The following FBXO34 variants were observed in gnomAD, a reference collection of about 807,000 sequenced individuals.
The protein encoded by FBXO34 is F-box only protein 34.
FBXO34 carries 12 observed loss-of-function variants against 24.5 expected under a neutral mutation model. That is an observed-to-expected ratio of 0.49 (90% CI 0.31 to 0.79). The LOEUF (loss-of-function observed/expected upper bound fraction) is 0.79, where lower values mean the gene tolerates loss of function less well. Among genes scored for constraint, FBXO34 ranks in the 30% least tolerant of loss-of-function variants. FBXO34 has a pLI of 0.04. For synonymous variants in FBXO34, 320 were observed against 311.9 expected (o/e 1.03, Z -0.27); for missense variants, 823 against 857.7 (o/e 0.96, Z 0.51).
chr14:55,431,255 T>C, the FBXO34 span, among the ~76,000 whole-genome samples: 1 of 152,218 alleles, frequency 6.6e-6, no homozygotes, highest in Non-Finnish European at 1.5e-5. Flanking sequence ...ATAAAAAGTA[T>C]CTCTTATTAT....
At chr14:55,406,749 G>C in the FBXO34 span, among the ~76,000 whole-genome samples, 1 of 152,146 alleles carries the variant, frequency 6.6e-6, no homozygotes, top group Non-Finnish European at 1.5e-5. Context: ...ACATAGTCTG[G>C]AAAAGAGAAA....
intron 1 of FBXO34, among the ~76,000 whole-genome samples, chr14:55,314,677 T>C (rs1451798866): frequency 1.3e-5 from 2 of 152,120 alleles, no homozygotes; most frequent in Non-Finnish European, 2.9e-5. Flanking sequence ...TGTAGAAAAA[T>C]TGGAGAATAC....
chr14:55,440,526 G>T, the FBXO34 span: 9 of 1,608,254 alleles, frequency 5.6e-6, no homozygotes, highest in South Asian at 1.0e-4. Flanking sequence ...AACCCGCTCC[G>T]GCCAGGGCGC....
chr14:55,310,480 T>C (rs1386040964), intron 1 of FBXO34, among the ~76,000 whole-genome samples: 1 of 152,112 alleles, frequency 6.6e-6, no homozygotes, highest in Non-Finnish European at 1.5e-5. Context: ...ATTTACTGAT[T>C]AATAATGGAG....
the FBXO34 span, among the ~76,000 whole-genome samples, chr14:55,441,096 T>C: frequency 6.6e-6 from 1 of 152,302 alleles, no homozygotes; most frequent in South Asian, 2.1e-4. Flanking sequence ...TCCACCCGCC[T>C]CGGCCTCCCA....
At chr14:55,397,441 C>CA in the FBXO34 span, 1 of 1,605,854 alleles carries the variant, frequency 6.2e-7, no homozygotes, top group South Asian at 1.1e-5. Flanking sequence ...AAACCTGTAA[C>CA]AAAAAAATTC....
chr14:55,414,193 T>G, the FBXO34 span: 1 of 557,266 alleles, frequency 1.8e-6, no homozygotes. Context: ...GTTTTTAAAA[T>G]AACACAAAAG....
At chr14:55,344,148 G>A (rs1209384010) in intron 1 of FBXO34, among the ~76,000 whole-genome samples, 1 of 152,128 alleles carries the variant, frequency 6.6e-6, no homozygotes, top group Non-Finnish European at 1.5e-5. Flanking sequence ...CTTAGTGAGA[G>A]AGTCGCTGTA....
chr14:55,314,886 T>C (rs1191582532), intron 1 of FBXO34, among the ~76,000 whole-genome samples: 1 of 152,232 alleles, frequency 6.6e-6, no homozygotes, highest in Non-Finnish European at 1.5e-5. Flanking sequence ...CCCCCACTTC[T>C]CCCTCTTGGA....
chr14:55,338,048 C>CTTCTTTTTTTTTTTTTTTT (rs1883846252), intron 1 of FBXO34, among the ~76,000 whole-genome samples: 1 of 88,266 alleles, frequency 1.1e-5, no homozygotes, highest in Non-Finnish European at 2.1e-5. Context: ...GTATGTACTT[C>CTTCTTTTTTTTTTTTTTTT]TTTTTTTTTT....
chr14:55,312,163 G>T (rs1251217633), intron 1 of FBXO34, among the ~76,000 whole-genome samples: 3 of 151,996 alleles, frequency 2.0e-5, no homozygotes, highest in African/African-American at 7.2e-5. Context: ...TCACACCACT[G>T]CACTCCAGCC....
chr14:55,282,733 T>A (rs1349391998), intron 1 of FBXO34: 1 of 152,234 alleles, frequency 6.6e-6, no homozygotes. Flanking sequence ...TTTAGCAGAT[T>A]CATTTGTAGG....
At chr14:55,375,482 C>T in the FBXO34 span, among the ~76,000 whole-genome samples, 20 of 141,368 alleles carry the variant, frequency 1.4e-4, no homozygotes, top group African/African-American at 4.7e-4. Flanking sequence ...ATTACCACGC[C>T]GGGCTAAATT....
intron 1 of FBXO34, among the ~76,000 whole-genome samples, chr14:55,310,965 C>T (rs1882718413): frequency 6.6e-6 from 1 of 151,988 alleles, no homozygotes; most frequent in Admixed American, 6.5e-5. Context: ...AACATCCAAC[C>T]TGACATATAT....
chr14:55,365,242 A>AAC (rs1555340819), downstream of FBXO34, among the ~76,000 whole-genome samples: 23 of 141,934 alleles, frequency 1.6e-4, no homozygotes, highest in African/African-American at 5.6e-4. Flanking sequence ...AAAAAAAAAA[A>AAC]AAACAAAAAT....
chr14:55,331,683 ATGTG>A (rs1228528990), intron 1 of FBXO34, among the ~76,000 whole-genome samples: 1,020 of 58,538 alleles, frequency 0.017, 158 homozygotes, highest in Non-Finnish European at 0.021. Context: ...ATATATATAT[ATGTG>A]TATATATATA....
chr14:55,276,385 C>T (rs527564515), intron 1 of FBXO34, among the ~76,000 whole-genome samples: 26 of 152,274 alleles, frequency 1.7e-4, no homozygotes, highest in Non-Finnish European at 3.2e-4. Context: ...GCCTATCTAT[C>T]GGTCTATCCA....
chr14:55,377,933 T>G, the FBXO34 span: 1 of 1,592,410 alleles, frequency 6.3e-7, no homozygotes, highest in Non-Finnish European at 8.5e-7. Context: ...TTGGTTAATA[T>G]TTTCAACTAT....
chr14:55,436,939 G>A, the FBXO34 span: 92 of 1,614,204 alleles, frequency 5.7e-5, no homozygotes, highest in Admixed American at 7.8e-4. Flanking sequence ...TGCAGTATCC[G>A]GATTGGATGC....
Sources: gnomAD v4.1 joint callset for allele counts (sites outside exome capture counted in the v4.1 genomes callset) on GRCh38, gnomAD v4.1.1 for gene constraint, MANE v1.5 for transcripts, NCBI Gene and HGNC (gene_info 2026-07-23, HGNC 2026-07-21) for gene names.